The following INVS variants were observed in gnomAD, a reference collection of about 807,000 sequenced individuals.
INVS encodes inversin.
INVS carries 86 observed loss-of-function variants against 108.8 expected under a neutral mutation model. That is an observed-to-expected ratio of 0.79 (90% CI 0.66 to 0.95). The LOEUF is 0.95. INVS is among the 40% of genes least tolerant of loss of function. INVS has a pLI of 0.00. For missense variants in INVS, 1,169 were observed against 1,297.4 expected, an observed-to-expected ratio of 0.90 and a Z score of 1.52; for synonymous variants, 455 against 473.5, an observed-to-expected ratio of 0.96 and a Z score of 0.51.
In INVS at chr9:100,300,707, C is replaced by T. The variant is rs770695186; in HGVS notation, c.*33C>T. ...TGGAGGAAGACTGTGTTCGGGGGAG[C>T]TGGCATAGCTAGTGCAGAGTTCAGA... On this transcript the variant is annotated 3_prime_UTR_variant, in exon 17 of 17. Coordinates refer to ENST00000262457, the MANE Select transcript of INVS (RefSeq NM_014425.5). The T allele has an allele frequency of 2.8e-6, 4 of 1,437,408 alleles. No individual in the cohort carries two copies. The highest frequency in any genetic ancestry group is 2.3e-5 in the South Asian group (2 of 87,302). 89.0% of individuals were successfully genotyped at this position (1,437,408 alleles called of 1,614,324 possible).
At chr9:100,170,909 T>C (rs1829518886) in intron 3 of INVS, among the ~76,000 whole-genome samples, 1 of 152,224 alleles carries the variant, frequency 6.6e-6, no homozygotes, top group South Asian at 2.1e-4. Context: ...AAATGTAGTA[T>C]TCCTGTGTTA....
At chr9:100,230,440 T>C (rs150534458) in intron 5 of INVS, among the ~76,000 whole-genome samples, 70 of 152,260 alleles carry the variant, frequency 4.6e-4, no homozygotes, top group African/African-American at 1.5e-3. Context: ...CAAGGAATTA[T>C]ATTGCATGTT....
At chr9:100,105,893 A>G (rs1280740380) in intron 2 of INVS, among the ~76,000 whole-genome samples, 1 of 91,372 alleles carries the variant, frequency 1.1e-5, no homozygotes, top group Non-Finnish European at 2.0e-5. Context: ...GTTGCACTTG[A>G]CTGTTGCATT....
At chr9:100,204,421 C>G (rs1353457389) in intron 3 of INVS, among the ~76,000 whole-genome samples, 1 of 152,208 alleles carries the variant, frequency 6.6e-6, no homozygotes, top group Non-Finnish European at 1.5e-5. Flanking sequence ...TTTAAATCGA[C>G]TTAGACCACA....
chr9:100,235,411 G>A (rs541987152), intron 5 of INVS, among the ~76,000 whole-genome samples: 3 of 152,158 alleles, frequency 2.0e-5, no homozygotes, highest in Non-Finnish European at 4.4e-5. Context: ...CTGTTATCAT[G>A]ATGCTAGCTG....
chr9:100,245,348 C>T (rs749470137), intron 7 of INVS, among the ~76,000 whole-genome samples: 3 of 152,160 alleles, frequency 2.0e-5, no homozygotes, highest in Admixed American at 6.6e-5. Context: ...GATGCAATCT[C>T]GGCTCACTGC....
rs985795036 is a variant in INVS at position 100,292,780 on chromosome 9, A to G, written c.2523A>G (p.Thr841=). The G allele has an allele frequency of 1.2e-6, 2 of 1,614,172 alleles. No individual in the cohort carries two copies. Among genetic ancestry groups the G allele is most frequent in the East Asian group, 2.2e-5 (1 of 44,886 alleles). ...ACAAAGTGACACAAGCCAAGCTCAC[A>G]GGAGGGCTCTATTCACATTTGCCAC... is the stretch of plus-strand genomic sequence containing the variant. ...PRNKVTQAKL[T]GGLYSHLPQS... is the part of the protein sequence containing the mutation. The change falls in exon 14 of 17, where the codon ACA becomes ACG. Residue 841 remains threonine (T), a synonymous_variant. Transcript: ENST00000262457.
intron 3 of INVS, among the ~76,000 whole-genome samples, chr9:100,220,381 T>A (rs189051175): frequency 6.6e-6 from 1 of 152,198 alleles, no homozygotes; most frequent in East Asian, 1.9e-4. Flanking sequence ...TATGACCACC[T>A]AATGAAAAAC....
At chr9:100,197,349 G>C (rs912384331) in intron 3 of INVS, among the ~76,000 whole-genome samples, 4 of 152,172 alleles carry the variant, frequency 2.6e-5, no homozygotes, top group African/African-American at 9.7e-5. Flanking sequence ...GAGGCGAGAG[G>C]ATCCCTTGAT....
chr9:100,194,422 CTTCA>C (rs1324789975), intron 3 of INVS, among the ~76,000 whole-genome samples: 1 of 151,954 alleles, frequency 6.6e-6, no homozygotes, highest in Non-Finnish European at 1.5e-5. Context: ...TGCTAAAGTT[CTTCA>C]TTCATTCTAT....
intron 12 of INVS, 44 bp downstream of exon 12, chr9:100,273,120 A>T: frequency 1.9e-5 from 27 of 1,405,126 alleles, no homozygotes; most frequent in Non-Finnish European, 2.6e-5. Flanking sequence ...ACCCAGAATC[A>T]GGGTGGAAGT....
At chr9:100,203,663 TG>T (rs1830595755) in intron 3 of INVS, among the ~76,000 whole-genome samples, 1 of 151,912 alleles carries the variant, frequency 6.6e-6, no homozygotes, top group African/African-American at 2.4e-5. Flanking sequence ...CCACCATGCG[TG>T]GCTAATTTTT....
chr9:100,290,540 C>G (rs1009022105), intron 13 of INVS, among the ~76,000 whole-genome samples: 2 of 151,702 alleles, frequency 1.3e-5, no homozygotes, highest in Admixed American at 1.3e-4. Flanking sequence ...TTAGTAGAGA[C>G]AGGGTTTCTC....
At chr9:100,207,439 G>A (rs574739516) in intron 3 of INVS, among the ~76,000 whole-genome samples, 9 of 152,036 alleles carry the variant, frequency 5.9e-5, no homozygotes, top group East Asian at 5.8e-4. Context: ...GAATACAGGC[G>A]TGCACCACCA....
chr9:100,247,858 G>A (rs577038269), intron 8 of INVS, among the ~76,000 whole-genome samples: 1 of 152,082 alleles, frequency 6.6e-6, no homozygotes, highest in South Asian at 2.1e-4. Flanking sequence ...ACCCAGGCTG[G>A]AGTGCAGTGG....
At position 100,253,865 on chromosome 9, in the gene INVS, G is replaced by A. The variant is rs377300805; in HGVS notation, c.1464+729G>A. Among the ~76,000 whole-genome samples, 668 of 152,160 alleles carry A rather than the reference G, an allele frequency of 4.4e-3. 3 individuals are homozygous for A. Among genetic ancestry groups the A allele is most frequent in the African/African-American group, 0.015 (604 of 41,512 alleles). On this transcript the variant is annotated intron_variant, in intron 10 of 16. Coordinates refer to ENST00000262457, the MANE Select transcript of INVS (RefSeq NM_014425.5). ...AGTCTTTGCTATTGTGAATAGTGCCGCAATAAACATACGTGTGCATGTGTC... is the reference window on the plus strand; with the variant it reads ...AGTCTTTGCTATTGTGAATAGTGCCACAATAAACATACGTGTGCATGTGTC...
chr9:100,114,429 T>C (rs1827446433), intron 2 of INVS, among the ~76,000 whole-genome samples: 1 of 132,888 alleles, frequency 7.5e-6, no homozygotes, highest in Non-Finnish European at 1.6e-5. Context: ...TGAGACAGAG[T>C]CTCACTTTGT....
At chr9:100,168,292 G>A (rs1488196546) in intron 3 of INVS, among the ~76,000 whole-genome samples, 1 of 152,166 alleles carries the variant, frequency 6.6e-6, no homozygotes, top group East Asian at 1.9e-4. Flanking sequence ...TGGAGCTAGA[G>A]CAGAGGGGAA....
intron 3 of INVS, among the ~76,000 whole-genome samples, chr9:100,205,653 A>G (rs1178792157): frequency 6.6e-6 from 1 of 151,896 alleles, no homozygotes; most frequent in Non-Finnish European, 1.5e-5. Flanking sequence ...TTTGTTTTAT[A>G]TTTTCTATTC....
Sources: gnomAD v4.1 joint callset for allele counts (sites outside exome capture counted in the v4.1 genomes callset) on GRCh38, gnomAD v4.1.1 for gene constraint, MANE v1.5 for transcripts, NCBI Gene and HGNC (gene_info 2026-07-23, HGNC 2026-07-21) for gene names.